The following VPS8 variants were observed in gnomAD, a reference collection of about 807,000 sequenced individuals.
VPS8 encodes the protein VPS8 subunit of CORVET complex, also known as vacuolar protein sorting-associated protein 8 homolog.
VPS8 carries 129 observed loss-of-function variants against 216.4 expected under a neutral mutation model. The observed-to-expected ratio is 0.60, with a 90% confidence interval of 0.52 to 0.69. The LOEUF (loss-of-function observed/expected upper bound fraction) is 0.69, where lower values mean the gene tolerates loss of function less well. VPS8 is among the 30% of genes least tolerant of loss of function. The probability of loss-of-function intolerance (pLI) is 0.00; values close to 1 mark genes in which losing one functional copy is unlikely to be tolerated. For missense variants in VPS8, 1,531 were observed against 1,683.5 expected, an observed-to-expected ratio of 0.91 and a Z score of 1.59; for synonymous variants, 571 against 565.4, an observed-to-expected ratio of 1.01 and a Z score of -0.14.
rs576340141 is a variant in VPS8 at position 185,047,694 on chromosome 3, T to C, written c.4057-785T>C. Among the ~76,000 whole-genome samples, 142 of 152,332 alleles carry C rather than the reference T, an allele frequency of 9.3e-4. 1 individual carries two copies. Among genetic ancestry groups the C allele is most frequent in the Non-Finnish European group, 1.2e-3 (85 of 68,024 alleles). On this transcript the variant is annotated intron_variant, in intron 46 of 47. Transcript: ENST00000625842. ...CACTTTAAATATATATCTCATTTAA[T>C]TTTTGGTAATCTCAAAAGGTAAGCA... is the stretch of plus-strand genomic sequence containing the variant.
At chr3:184,962,621 C>G (rs977291072) in intron 37 of VPS8, among the ~76,000 whole-genome samples, 1 of 151,836 alleles carries the variant, frequency 6.6e-6, no homozygotes, top group Non-Finnish European at 1.5e-5. Flanking sequence ...TAATCCTTTG[C>G]TAATTTTATG....
chr3:185,050,404 T>A (rs1268933876), intron 47 of VPS8, among the ~76,000 whole-genome samples: 1 of 152,174 alleles, frequency 6.6e-6, no homozygotes, highest in Non-Finnish European at 1.5e-5. Context: ...TTTTGATAAA[T>A]TGACACTTAG....
intron 45 of VPS8, among the ~76,000 whole-genome samples, chr3:185,019,697 T>A (rs1285659074): frequency 1.3e-5 from 2 of 152,170 alleles, no homozygotes; most frequent in Non-Finnish European, 2.9e-5. Context: ...CCCACAACCT[T>A]CCAGCGTGGG....
chr3:184,989,562 G>C (rs1440903909), intron 42 of VPS8, among the ~76,000 whole-genome samples: 3 of 151,544 alleles, frequency 2.0e-5, no homozygotes, highest in East Asian at 3.9e-4. Flanking sequence ...ACCACACCCA[G>C]CCCATTAATT....
chr3:184,947,918 G>A lies in VPS8; in HGVS notation c.3035+7675G>A, dbSNP rs1225136255. On this transcript the variant is annotated intron_variant, in intron 36 of 47. Coordinates refer to ENST00000625842, the MANE Select transcript of VPS8 (RefSeq NM_001009921.3). Reference sequence around the variant, plus strand: ...CTTTTAATGATTTCAAGTCAGAAAGGTAGGAGAAAAATTAGAAACATTAGT... The same window carrying A: ...CTTTTAATGATTTCAAGTCAGAAAGATAGGAGAAAAATTAGAAACATTAGT... 3.9e-5 allele frequency among the ~76,000 whole-genome samples: 6 copies of A among 152,262 alleles called. 1 individual carries two copies. The Middle Eastern group carries it at 0.014, about 345-fold the overall frequency.
intron 21 of VPS8, among the ~76,000 whole-genome samples, chr3:184,884,317 G>A (rs1237784795): frequency 6.6e-6 from 1 of 152,046 alleles, no homozygotes; most frequent in African/African-American, 2.4e-5. Context: ...GTGAGAACAT[G>A]CGGTGTTTGG....
chr3:184,982,126 T>G (rs1750305280), intron 40 of VPS8, among the ~76,000 whole-genome samples: 1 of 151,826 alleles, frequency 6.6e-6, no homozygotes, highest in Non-Finnish European at 1.5e-5. Flanking sequence ...TAAAGGAAAT[T>G]GGGTGGGGGA....
intron 14 of VPS8, among the ~76,000 whole-genome samples, chr3:184,856,527 T>A (rs1042057434): frequency 6.6e-6 from 1 of 152,236 alleles, no homozygotes; most frequent in Non-Finnish European, 1.5e-5. Flanking sequence ...TTCACCACTG[T>A]CCACCTAGTT....
chr3:184,940,919 A>G (rs1237744334), intron 36 of VPS8, among the ~76,000 whole-genome samples: 1 of 152,238 alleles, frequency 6.6e-6, no homozygotes, highest in Non-Finnish European at 1.5e-5. Context: ...ACTCTTGACT[A>G]GTAGTGTGCA....
intron 45 of VPS8, among the ~76,000 whole-genome samples, chr3:185,018,809 CT>C (rs1756209013): frequency 6.6e-6 from 1 of 152,158 alleles, no homozygotes; most frequent in Non-Finnish European, 1.5e-5. Context: ...TCTAAATCAC[CT>C]TCTCTTCTAG....
At chr3:184,868,464 G>A (rs183772817) in intron 18 of VPS8, among the ~76,000 whole-genome samples, 1 of 152,184 alleles carries the variant, frequency 6.6e-6, no homozygotes, top group African/African-American at 2.4e-5. Flanking sequence ...ATTTTAGGAA[G>A]GAAGAAAGAA....
At chr3:184,942,890 T>C (rs954204719) in intron 36 of VPS8, among the ~76,000 whole-genome samples, 4 of 152,060 alleles carry the variant, frequency 2.6e-5, no homozygotes, top group Non-Finnish European at 5.9e-5. Context: ...GAGTTCCGGA[T>C]TGAGGGAGAG....
intron 28 of VPS8, among the ~76,000 whole-genome samples, chr3:184,916,166 C>A (rs1037022926): frequency 2.6e-5 from 4 of 152,138 alleles, no homozygotes; most frequent in Admixed American, 1.3e-4. Context: ...AAATGGAACG[C>A]GGAAGCTTTT....
chr3:184,852,689 T>C, intron 11 of VPS8, 122 bp downstream of exon 11: 1 of 889,340 alleles, frequency 1.1e-6, no homozygotes. Flanking sequence ...GACTGTGTAT[T>C]ACAATTACCT....
chr3:184,814,626 G>C (rs1577674044), intron 1 of VPS8, among the ~76,000 whole-genome samples: 1 of 152,218 alleles, frequency 6.6e-6, no homozygotes, highest in Non-Finnish European at 1.5e-5. Context: ...CAGTTTAAAA[G>C]ATTGAAAAAT....
chr3:184,919,116 G>C (rs1453164908), intron 28 of VPS8: 4 of 152,206 alleles, frequency 2.6e-5, no homozygotes, highest in East Asian at 1.9e-4. Context: ...ATGAGCAAAG[G>C]TACTTTGGAG....
chr3:184,839,591 G>A lies in VPS8; in HGVS notation c.481-107G>A, dbSNP rs1721739085. ...AAATTCTTCTTATTTACAATAGTTT[G>A]TATGTCATCTGGTGCCTAGAGGAAG... On this transcript the variant is annotated intron_variant, in intron 6 of 47. Transcript: ENST00000625842. The A allele has an allele frequency of 6.8e-6, 7 of 1,025,020 alleles. No homozygotes were observed. The South Asian group carries it at 8.0e-5, about 12-fold the overall frequency. 63.5% of individuals were successfully genotyped at this position (1,025,020 alleles called of 1,614,324 possible). A position where few individuals can be genotyped will look rare whatever the true frequency, so the allele number is the denominator to read the frequency against.
intron 29 of VPS8, among the ~76,000 whole-genome samples, chr3:184,921,851 C>A (rs1055347542): frequency 1.3e-5 from 2 of 152,144 alleles, no homozygotes; most frequent in Non-Finnish European, 2.9e-5. Flanking sequence ...AGGTGTGAGC[C>A]ACTGTGCCCA....
At chr3:184,947,911 CAGAA>C (rs920118113) in intron 36 of VPS8, among the ~76,000 whole-genome samples, 2 of 151,982 alleles carry the variant, frequency 1.3e-5, no homozygotes, top group Non-Finnish European at 2.9e-5. Flanking sequence ...GATTTCAAGT[CAGAA>C]AGGTAGGAGA....
Sources: allele counts gnomAD v4.1 joint callset (sites outside exome capture counted in the v4.1 genomes callset), GRCh38; gene constraint gnomAD v4.1.1; transcripts MANE v1.5; gene names NCBI Gene and HGNC (gene_info 2026-07-23, HGNC 2026-07-21).